Variants in CDK17 observed in about 807,000 individuals in gnomAD.
The protein encoded by CDK17 is cyclin dependent kinase 17, also known as cyclin-dependent kinase 17.
Under a neutral mutation model 77.6 loss-of-function variants are expected in CDK17, and 24 were observed. The observed-to-expected ratio is 0.31, with a 90% CI of 0.22 to 0.44. The LOEUF is 0.44. Among genes scored for constraint, CDK17 ranks in the 20% least tolerant of loss-of-function variants. The pLI, the probability that CDK17 is intolerant of heterozygous loss-of-function variation, is 1.00. For missense variants in CDK17, 429 were observed against 622.5 expected (o/e 0.69, Z 3.31); for synonymous variants, 203 against 210.4 (o/e 0.96, Z 0.30).
At chr12:96,323,375 G>T (rs935202521) in intron 3 of CDK17, among the ~76,000 whole-genome samples, 2 of 152,056 alleles carry the variant, frequency 1.3e-5, no homozygotes, top group Admixed American at 1.3e-4. Flanking sequence ...AGGATCATTT[G>T]AGCCTGGGAG....
intron 1 of CDK17, among the ~76,000 whole-genome samples, chr12:96,395,554 C>T (rs1333279897): frequency 6.6e-6 from 1 of 152,174 alleles, no homozygotes; most frequent in Non-Finnish European, 1.5e-5. Context: ...CAAAATAATA[C>T]TTAGCATAGT....
Position 96,299,022 on chromosome 12 carries a change from A to AT in CDK17, c.601-40dup, listed in dbSNP as rs748613088. On this transcript the variant is annotated intron_variant, in intron 6 of 16. Coordinates refer to ENST00000261211, the MANE Select transcript of CDK17 (RefSeq NM_002595.5). The stretch of plus-strand genomic sequence containing the variant: ...TTTTAAAGGACGCATCAAAAGTATC[A>AT]TAAGAGTCTATTTAATACCATCTTA... The AT allele has an allele frequency of 1.1e-5, 11 of 990,014 alleles. No homozygotes were observed. In the South Asian group the frequency reaches 1.6e-4, roughly 14 times the overall value. The allele number at this position is 990,014 out of a possible 1,614,324, so 61.3% of individuals were successfully genotyped here. A position where few individuals can be genotyped will look rare whatever the true frequency, so the allele number is the denominator to read the frequency against.
rs563703693 is a variant in CDK17, at chr12:96,282,807, T to C, written c.1366-208A>G. ...TGTGTAATAACATCTCAGTTCCACATTTCTAAGATAAGGCTGGATCTTAAA... is the reference window on the plus strand; with the variant it reads ...TGTGTAATAACATCTCAGTTCCACACTTCTAAGATAAGGCTGGATCTTAAA... On this transcript the variant is annotated intron_variant, in intron 14 of 16. Transcript: ENST00000261211. Among the ~76,000 whole-genome samples the C allele has an allele frequency of 3.9e-5, 6 of 152,358 alleles. No individual in the cohort carries two copies. In the East Asian group the frequency reaches 1.2e-3, roughly 29 times the overall value.
At chr12:96,358,114 T>C (rs1255970364) in intron 1 of CDK17, among the ~76,000 whole-genome samples, 1 of 152,090 alleles carries the variant, frequency 6.6e-6, no homozygotes, top group Non-Finnish European at 1.5e-5. Flanking sequence ...ACACACAATA[T>C]ATTTACTGTT....
chr12:96,394,916 G>A (rs1472058441), intron 1 of CDK17, among the ~76,000 whole-genome samples: 1 of 139,882 alleles, frequency 7.1e-6, no homozygotes, highest in African/African-American at 2.7e-5. Flanking sequence ...TTGCTCTGTC[G>A]CCAGGCTAGA....
At chr12:96,389,648 TAAG>T (rs1954035724) in intron 1 of CDK17, among the ~76,000 whole-genome samples, 1 of 152,168 alleles carries the variant, frequency 6.6e-6, no homozygotes, top group Admixed American at 6.5e-5. Flanking sequence ...AAAAGTGTTT[TAAG>T]AAGACTGTGT....
intron 1 of CDK17, among the ~76,000 whole-genome samples, chr12:96,349,477 G>A (rs1283748048): frequency 5.6e-5 from 8 of 141,826 alleles, no homozygotes; most frequent in Admixed American, 4.3e-4. Flanking sequence ...ATCAACTAAT[G>A]TAATACATCA....
intron 2 of CDK17, among the ~76,000 whole-genome samples, chr12:96,326,984 G>T (rs1220764250): frequency 6.6e-6 from 1 of 152,134 alleles, no homozygotes; most frequent in Non-Finnish European, 1.5e-5. Context: ...CACTGTGAAG[G>T]GTTAAAGATA....
chr12:96,337,210 A>G (rs1463709137), intron 1 of CDK17, among the ~76,000 whole-genome samples: 2 of 152,022 alleles, frequency 1.3e-5, no homozygotes, highest in Non-Finnish European at 2.9e-5. Flanking sequence ...GTGGCTCTTC[A>G]CTAGGGCCAG....
At chr12:96,318,575 A>G (rs1042029945) in intron 3 of CDK17, among the ~76,000 whole-genome samples, 2 of 148,144 alleles carry the variant, frequency 1.4e-5, no homozygotes, top group African/African-American at 5.0e-5. Context: ...CAAATGTAAA[A>G]GAACAGAAAT....
chr12:96,295,391 C>G (rs902542199), intron 9 of CDK17: 3 of 205,366 alleles, frequency 1.5e-5, no homozygotes. Context: ...TTCCTCCTAG[C>G]AGTAACAGTT....
intron 2 of CDK17, among the ~76,000 whole-genome samples, chr12:96,324,535 G>A (rs1291249167): frequency 1.3e-5 from 2 of 152,118 alleles, no homozygotes; most frequent in Non-Finnish European, 2.9e-5. Context: ...GGGAGGCCGA[G>A]GCAGGCGGAT....
chr12:96,362,994 T>C (rs1273627925), intron 1 of CDK17, among the ~76,000 whole-genome samples: 2 of 152,118 alleles, frequency 1.3e-5, no homozygotes, highest in African/African-American at 4.8e-5. Context: ...ACCTCACACA[T>C]TTATTAAGAA....
intron 1 of CDK17, among the ~76,000 whole-genome samples, chr12:96,387,421 G>A (rs1444168182): frequency 6.6e-6 from 1 of 152,106 alleles, no homozygotes; most frequent in East Asian, 1.9e-4. Flanking sequence ...CAGAAACAGA[G>A]TTTGAGATTA....
At chr12:96,335,334 T>C (rs984297496) in intron 1 of CDK17, 2 of 239,802 alleles carry the variant, frequency 8.3e-6, no homozygotes, top group East Asian at 2.5e-4. Context: ...AACAAGAAAT[T>C]TTCCTTTTTA....
At chr12:96,343,687 G>A (rs1022217143) in intron 1 of CDK17, among the ~76,000 whole-genome samples, 2 of 152,160 alleles carry the variant, frequency 1.3e-5, no homozygotes, top group African/African-American at 4.8e-5. Context: ...TGCAAAAATG[G>A]TTTTGGAAAG....
At chr12:96,340,526 C>T (rs1953107378) in intron 1 of CDK17, among the ~76,000 whole-genome samples, 1 of 152,018 alleles carries the variant, frequency 6.6e-6, no homozygotes, top group Admixed American at 6.6e-5. Flanking sequence ...ATTACCACAG[C>T]CTAGATCATT....
chr12:96,304,197 G>A (rs1225126946), intron 5 of CDK17, among the ~76,000 whole-genome samples: 1 of 152,150 alleles, frequency 6.6e-6, no homozygotes, highest in Non-Finnish European at 1.5e-5. Context: ...GCTTCTGTAT[G>A]TACAGAGGAT....
intron 1 of CDK17, among the ~76,000 whole-genome samples, chr12:96,374,065 A>G (rs1344183038): frequency 1.3e-5 from 2 of 152,238 alleles, no homozygotes; most frequent in East Asian, 3.8e-4. Flanking sequence ...GTATACTCCC[A>G]AATTATGAAC....
Sources: allele counts gnomAD v4.1 joint callset (sites outside exome capture counted in the v4.1 genomes callset), GRCh38; gene constraint gnomAD v4.1.1; transcripts MANE v1.5; gene names NCBI Gene and HGNC (gene_info 2026-07-23, HGNC 2026-07-21).